Variants in CYB5R4 observed in about 807,000 individuals in gnomAD.
The protein encoded by CYB5R4 is cytochrome b5 reductase 4, also known as N-terminal cytochrome b5 and cytochrome b5 oxidoreductase domain-containing protein.
In CYB5R4, 55 loss-of-function variants were observed where a neutral mutation model predicts 70.2. The observed-to-expected ratio is 0.78, with a 90% CI of 0.63 to 0.98. The LOEUF (loss-of-function observed/expected upper bound fraction) is 0.98, where lower values mean the gene tolerates loss of function less well. CYB5R4 is among the 50% of genes least tolerant of loss of function. The pLI, the probability that CYB5R4 is intolerant of heterozygous loss-of-function variation, is 0.00. For synonymous variants in CYB5R4, 197 were observed against 199.5 expected (o/e 0.99, Z 0.11); for missense variants, 562 against 612.6 (o/e 0.92, Z 0.87).
At chr6:83,883,543 A>G (rs1360629231) in intron 2 of CYB5R4, among the ~76,000 whole-genome samples, 3 of 152,206 alleles carry the variant, frequency 2.0e-5, no homozygotes, top group Admixed American at 1.3e-4. Flanking sequence ...CCTGAATTCT[A>G]TACCCGTAGG....
chr6:83,868,170 CTT>C (rs150797150), intron 2 of CYB5R4, among the ~76,000 whole-genome samples: 1 of 146,808 alleles, frequency 6.8e-6, no homozygotes, highest in African/African-American at 2.5e-5. Context: ...ATCATAGTGC[CTT>C]TTTTTTTTCC....
intron 2 of CYB5R4, among the ~76,000 whole-genome samples, chr6:83,873,109 G>A (rs1364668366): frequency 1.3e-5 from 2 of 152,028 alleles, no homozygotes; most frequent in African/African-American, 4.8e-5. Flanking sequence ...TTTAGCATTT[G>A]TGTGTGTTTC....
chr6:83,935,090 C>G (rs2099468722), intron 11 of CYB5R4, among the ~76,000 whole-genome samples: 1 of 152,082 alleles, frequency 6.6e-6, no homozygotes, highest in Admixed American at 6.5e-5. Context: ...TTAGCAGCTA[C>G]TTAGGGTTGT....
rs181304290 is a variant in CYB5R4, at chr6:83,940,666, C to T, written c.1346+65C>T. 6.1e-4 allele frequency: 925 copies of T among 1,506,116 alleles called. 7 individuals carry two copies. In the African/African-American group the frequency reaches 0.012, roughly 20 times the overall value. The allele number at this position is 1,506,116 out of a possible 1,614,324, so 93.3% of individuals were successfully genotyped here. A position where few individuals can be genotyped will look rare whatever the true frequency, so the allele number is the denominator to read the frequency against. On this transcript the variant is annotated intron_variant, in intron 14 of 15. Transcript: ENST00000369681. ...CCTGGGTAGTAAGTCTATGCCTTAT[C>T]TTCTCTGGTTGAAGCTTTGATTGTC...
intron 1 of CYB5R4, 95 bp downstream of exon 1, chr6:83,859,952 C>T (rs987493490): frequency 8.5e-7 from 1 of 1,180,556 alleles, no homozygotes; most frequent in Non-Finnish European, 1.2e-6. Flanking sequence ...CTCCTGCACC[C>T]CTCTCTAAGC....
chr6:83,958,572 G>C (rs888307803), intron 15 of CYB5R4, among the ~76,000 whole-genome samples: 5 of 152,144 alleles, frequency 3.3e-5, no homozygotes, highest in Non-Finnish European at 5.9e-5. Flanking sequence ...AGACTGGTTT[G>C]GCTAGAGTGA....
intron 4 of CYB5R4, among the ~76,000 whole-genome samples, chr6:83,909,528 C>A (rs2099464343): frequency 6.6e-6 from 1 of 152,098 alleles, no homozygotes; most frequent in South Asian, 2.1e-4. Context: ...TAAAGTATAA[C>A]CAGTTTCTTC....
intron 14 of CYB5R4, among the ~76,000 whole-genome samples, chr6:83,941,953 G>A (rs2099469836): frequency 1.3e-5 from 2 of 152,044 alleles, no homozygotes; most frequent in African/African-American, 4.8e-5. Flanking sequence ...ACCTCTGGGG[G>A]CCTCTTTATC....
intron 10 of CYB5R4, among the ~76,000 whole-genome samples, chr6:83,924,885 C>G (rs2099467029): frequency 6.6e-6 from 1 of 152,068 alleles, no homozygotes; most frequent in African/African-American, 2.4e-5. Context: ...TCTTTCAGGT[C>G]CCCTTTTGTG....
At chr6:83,873,125 T>TTGAG (rs2099457914) in intron 2 of CYB5R4, among the ~76,000 whole-genome samples, 1 of 152,228 alleles carries the variant, frequency 6.6e-6, no homozygotes, top group Non-Finnish European at 1.5e-5. Context: ...GTTTCTCACT[T>TTGAG]TGAGTGACAT....
At chr6:83,904,098 C>G (rs892643787) in intron 3 of CYB5R4, among the ~76,000 whole-genome samples, 1 of 151,716 alleles carries the variant, frequency 6.6e-6, no homozygotes, top group African/African-American at 2.4e-5. Flanking sequence ...TTGGTTTGTT[C>G]TTGCTTTTCT....
intron 1 of CYB5R4, among the ~76,000 whole-genome samples, chr6:83,863,823 A>T (rs1404009121): frequency 1.3e-5 from 2 of 152,180 alleles, no homozygotes; most frequent in African/African-American, 4.8e-5. Context: ...AGTAATCTAG[A>T]GATTATTTAA....
At chr6:83,876,020 G>A (rs1394936811) in intron 2 of CYB5R4, among the ~76,000 whole-genome samples, 1 of 152,096 alleles carries the variant, frequency 6.6e-6, no homozygotes, top group African/African-American at 2.4e-5. Flanking sequence ...TGACAGTAGG[G>A]ATATTCTAAT....
chr6:83,877,995 T>C (rs538352133), intron 2 of CYB5R4, among the ~76,000 whole-genome samples: 1 of 152,296 alleles, frequency 6.6e-6, no homozygotes, highest in East Asian at 1.9e-4. Context: ...GATGCAGCAT[T>C]GTATTATCTC....
chr6:83,934,150 T>A (rs2099468567), intron 10 of CYB5R4, among the ~76,000 whole-genome samples: 1 of 151,968 alleles, frequency 6.6e-6, no homozygotes, highest in Admixed American at 6.6e-5. Flanking sequence ...TCTCAACACT[T>A]TGGGAAGCCA....
intron 2 of CYB5R4, among the ~76,000 whole-genome samples, chr6:83,873,235 CTTTTTT>C (rs927399068): frequency 1.0e-5 from 1 of 99,810 alleles, no homozygotes; most frequent in Non-Finnish European, 1.9e-5. Flanking sequence ...GGGTATCCTT[CTTTTTT>C]TTTTTTTTTT....
rs76781699 is a variant in CYB5R4, at chr6:83,962,945, T to G, written c.*3067T>G. 3 of 152,388 alleles carry G rather than the reference T, an allele frequency of 2.0e-5. No individual in the cohort carries two copies. In the South Asian group the frequency reaches 6.2e-4, roughly 32 times the overall value. 9.4% of individuals were successfully genotyped at this position (152,388 alleles called of 1,614,324 possible). A position where few individuals can be genotyped will look rare whatever the true frequency, so the allele number is the denominator to read the frequency against. ...CTTCAGCATTGGTAGATGAATCTTA[T>G]GCTTTCAATCTCTCTGAATTCCCTT... On this transcript the variant is annotated 3_prime_UTR_variant, in exon 16 of 16. Transcript: ENST00000369681.
chr6:83,888,422 T>C (rs2099460586), intron 2 of CYB5R4, among the ~76,000 whole-genome samples: 1 of 152,218 alleles, frequency 6.6e-6, no homozygotes, highest in African/African-American at 2.4e-5. Context: ...GAGCATGTGC[T>C]CACTTCATGT....
chr6:83,877,438 A>G (rs1197855241), intron 2 of CYB5R4, among the ~76,000 whole-genome samples: 1 of 151,474 alleles, frequency 6.6e-6, no homozygotes, highest in Non-Finnish European at 1.5e-5. Context: ...GTGATTCTTG[A>G]TGGCTTGAAA....
Sources: allele counts gnomAD v4.1 joint callset (sites outside exome capture counted in the v4.1 genomes callset), GRCh38; gene constraint gnomAD v4.1.1; transcripts MANE v1.5; gene names NCBI Gene and HGNC (gene_info 2026-07-23, HGNC 2026-07-21).